Variants in PRDM5 observed in about 807,000 individuals in gnomAD.
The protein encoded by PRDM5 is PR/SET domain 5, also known as PR domain zinc finger protein 5.
Under a neutral mutation model 81.2 loss-of-function variants are expected in PRDM5, and 56 were observed. The observed-to-expected ratio is 0.69, with a 90% CI of 0.56 to 0.86. The LOEUF is 0.86. Among genes scored for constraint, PRDM5 ranks in the 40% least tolerant of loss-of-function variants. PRDM5 has a pLI of 0.00. For missense variants in PRDM5, 697 were observed against 770.1 expected, an observed-to-expected ratio of 0.91 and a Z score of 1.12; for synonymous variants, 267 against 256.4, an observed-to-expected ratio of 1.04 and a Z score of -0.39.
In PRDM5 at chr4:120,693,316, T is replaced by G. The variant is rs1029339245; in HGVS notation, c.*1795A>C. 1.3e-5 allele frequency: 2 copies of G among 152,128 alleles called. No homozygotes were observed. 9.4% of individuals were successfully genotyped at this position (152,128 alleles called of 1,614,324 possible). ...AAGAAATATACAGGATGTGCTTAAA[T>G]AATACACACTATCAAATTTTACAGC... On this transcript the variant is annotated 3_prime_UTR_variant, in exon 16 of 16. Coordinates refer to ENST00000264808, the MANE Select transcript of PRDM5 (RefSeq NM_018699.4).
intron 1 of PRDM5, among the ~76,000 whole-genome samples, chr4:120,915,393 C>T (rs1660972412): frequency 6.6e-6 from 1 of 152,140 alleles, no homozygotes. Context: ...GCCCCAGACC[C>T]AAGAGATGCT....
intron 3 of PRDM5, among the ~76,000 whole-genome samples, chr4:120,827,594 A>G (rs189803787): frequency 6.6e-6 from 1 of 152,270 alleles, no homozygotes; most frequent in East Asian, 1.9e-4. Flanking sequence ...AAATGGTCTT[A>G]ACACTATAAG....
At chr4:120,780,991 C>T in intron 12 of PRDM5, 152 bp downstream of exon 12, 1 of 741,124 alleles carries the variant, frequency 1.3e-6, no homozygotes, top group Non-Finnish European at 2.1e-6. Flanking sequence ...AGAAAGTGAA[C>T]ATTGTCTGAA....
intron 1 of PRDM5, among the ~76,000 whole-genome samples, chr4:120,920,497 T>G (rs1227893319): frequency 6.6e-6 from 1 of 152,226 alleles, no homozygotes. Context: ...AGGGACTGTT[T>G]GCCTTCCATA....
chr4:120,736,264 T>C (rs2149096808), intron 14 of PRDM5, among the ~76,000 whole-genome samples: 1 of 151,808 alleles, frequency 6.6e-6, no homozygotes, highest in South Asian at 2.1e-4. Context: ...TATCCAATCA[T>C]CTGTTGATGG....
chr4:120,754,794 G>C (rs1390830515), intron 13 of PRDM5, among the ~76,000 whole-genome samples, 156 bp from the exon 14 acceptor site: 1 of 152,214 alleles, frequency 6.6e-6, no homozygotes, highest in Non-Finnish European at 1.5e-5. Flanking sequence ...CCAAGCATGG[G>C]TCGTGCAGGA....
At chr4:120,718,355 T>C (rs1463635709) in intron 14 of PRDM5, among the ~76,000 whole-genome samples, 1 of 152,210 alleles carries the variant, frequency 6.6e-6, no homozygotes, top group East Asian at 1.9e-4. Flanking sequence ...ATACCTTTTG[T>C]TCCAAATTAA....
Position 120,798,416 on chromosome 4 carries a change from G to T in PRDM5, c.1039C>A (p.Pro347Thr), listed in dbSNP as rs752451968. Residue 347 changes from proline to threonine, a missense_variant, in exon 10 of 16, where the codon CCC becomes ACC. Physicochemically the swap from Pro to Thr is conservative, Grantham distance 38 (BLOSUM62 -1). Coordinates refer to ENST00000264808, the MANE Select transcript of PRDM5 (RefSeq NM_018699.4). ...RHMITHSEKR[P>T]YNCEICNKSF... is the part of the protein sequence containing the mutation. Reference sequence around the variant, plus strand: ...TTATTACAAATCTCGCAATTATAGGGTCGTTTTTCTATTAAAAAAATGAGT... The same window carrying T: ...TTATTACAAATCTCGCAATTATAGGTTCGTTTTTCTATTAAAAAAATGAGT... The T allele has an allele frequency of 1.2e-6, 2 of 1,603,958 alleles. No individual in the cohort carries two copies. The highest frequency in any genetic ancestry group is 1.7e-5 in the Admixed American group (1 of 59,140).
At chr4:120,757,639 T>C (rs1403568397) in intron 13 of PRDM5, among the ~76,000 whole-genome samples, 5 of 152,252 alleles carry the variant, frequency 3.3e-5, no homozygotes, top group East Asian at 3.9e-4. Flanking sequence ...ATCCAATCCA[T>C]TGAGGACCCG....
chr4:120,777,277 T>C lies in PRDM5; in HGVS notation c.1448A>G (p.His483Arg). Residue 483 changes from histidine to arginine, a missense_variant, in exon 13 of 16, where the codon CAT (histidine) becomes CGT (arginine). Physicochemically the swap from His to Arg is conservative, Grantham distance 29. This residue lies in a region of PRDM5 where 577 missense variants were observed against 606.7 expected (regional missense o/e 0.95). Transcript: ENST00000264808. ...PSVLRSHKKT[H>R]TGEKEKICPY... ...ACAGATTTTCTCCTTTTCTCCTGTATGTGTCTAAAAGGAAAGGGATAAAAA... is the reference window on the plus strand; with the variant it reads ...ACAGATTTTCTCCTTTTCTCCTGTACGTGTCTAAAAGGAAAGGGATAAAAA... The C allele has an allele frequency of 6.2e-7, 1 of 1,613,250 alleles. No individual in the cohort carries two copies. Among genetic ancestry groups the C allele is most frequent in the Non-Finnish European group, 8.5e-7 (1 of 1,179,428 alleles).
In PRDM5 at chr4:120,816,340, G is replaced by A. The variant is rs746444275; in HGVS notation, c.865+113C>T. 42 of 1,566,444 alleles carry A rather than the reference G, an allele frequency of 2.7e-5. 2 individuals carry two copies. In the South Asian group the frequency reaches 4.7e-4, roughly 18 times the overall value. On this transcript the variant is annotated intron_variant, in intron 7 of 15. Coordinates refer to ENST00000264808, the MANE Select transcript of PRDM5 (RefSeq NM_018699.4). The stretch of plus-strand genomic sequence containing the variant: ...TCCACTGCCAGCGCTCCACATCTGT[G>A]TGAAACACAATGGAAAAGCCAGCTC...
intron 8 of PRDM5, among the ~76,000 whole-genome samples, chr4:120,805,432 C>T (rs1265725373): frequency 1.3e-5 from 2 of 152,204 alleles, no homozygotes; most frequent in South Asian, 2.1e-4. Context: ...CCCTGAAGAA[C>T]ATCGATGCAA....
At chr4:120,920,939 A>G (rs912895582) in intron 1 of PRDM5, among the ~76,000 whole-genome samples, 2 of 152,220 alleles carry the variant, frequency 1.3e-5, no homozygotes, top group Non-Finnish European at 2.9e-5. Context: ...AGAATCAAAC[A>G]CATGAAAAAA....
At chr4:120,911,907 T>C (rs528972005) in intron 1 of PRDM5, among the ~76,000 whole-genome samples, 1 of 152,284 alleles carries the variant, frequency 6.6e-6, no homozygotes, top group Admixed American at 6.5e-5. Context: ...TAAGTTATTA[T>C]TAAAATTAGT....
intron 8 of PRDM5, among the ~76,000 whole-genome samples, chr4:120,807,345 G>C (rs770274774): frequency 6.6e-6 from 1 of 152,122 alleles, no homozygotes; most frequent in Non-Finnish European, 1.5e-5. Flanking sequence ...CCATATATGG[G>C]TATATACCAT....
chr4:120,812,500 G>T, intron 7 of PRDM5: 1 of 169,902 alleles, frequency 5.9e-6, no homozygotes, highest in Non-Finnish European at 1.3e-5. Flanking sequence ...CTGTAGTTTT[G>T]ATTTGCATTT....
At position 120,918,184 on chromosome 4, in the gene PRDM5, A is replaced by G. The variant is rs542426892; in HGVS notation, c.93+4332T>C. Among the ~76,000 whole-genome samples the G allele has an allele frequency of 3.3e-5, 5 of 152,376 alleles. No individual in the cohort carries two copies. The South Asian group carries it at 1.0e-3, about 32-fold the overall frequency. ...TTGGAGAAAATGTTAGAGTAGTTAC[A>G]TAGTTTAAAAAATGTTTAATAACAC... is the stretch of plus-strand genomic sequence containing the variant. On this transcript the variant is annotated intron_variant, in intron 1 of 15. Coordinates refer to ENST00000264808, the MANE Select transcript of PRDM5 (RefSeq NM_018699.4).
chr4:120,875,391 G>T (rs1412305952), intron 2 of PRDM5, among the ~76,000 whole-genome samples: 1 of 152,248 alleles, frequency 6.6e-6, no homozygotes, highest in African/African-American at 2.4e-5. Context: ...TGCACTAGCT[G>T]TTGAATTAGT....
intron 3 of PRDM5, among the ~76,000 whole-genome samples, chr4:120,836,642 T>C (rs1757389569): frequency 6.6e-6 from 1 of 152,226 alleles, no homozygotes; most frequent in African/African-American, 2.4e-5. Context: ...CTGTAAAATG[T>C]ACAAGTATTC....
Sources: gnomAD v4.1 joint callset for allele counts (sites outside exome capture counted in the v4.1 genomes callset) on GRCh38, gnomAD v4.1.1 for gene constraint, gnomAD v4.1.1 regional missense constraint, MANE v1.5 for transcripts, NCBI Gene and HGNC (gene_info 2026-07-23, HGNC 2026-07-21) for gene names.